ABR: variants seen among roughly 807,000 people sequenced by gnomAD.
The protein encoded by ABR is active breakpoint cluster region-related protein.
Under a neutral mutation model 107.2 loss-of-function variants are expected in ABR, and 35 were observed. That is an observed-to-expected ratio of 0.33 (90% CI 0.25 to 0.43). The LOEUF (loss-of-function observed/expected upper bound fraction) is 0.43. Ranked by LOEUF, ABR falls within the 20% of genes least tolerant of loss-of-function variation. ABR has a pLI of 1.00. For synonymous variants in ABR, 498 were observed against 462.0 expected (o/e 1.08, Z -1.00); for missense variants, 815 against 1,115.2 (o/e 0.73, Z 3.83).
chr17:1,108,244 G>A (rs1484342762), intron 2 of ABR, among the ~76,000 whole-genome samples: 1 of 152,268 alleles, frequency 6.6e-6, no homozygotes, highest in Non-Finnish European at 1.5e-5. Flanking sequence ...CACAGAGCCG[G>A]CGTGGTTCCG....
chr17:1,019,309 A>G (rs968105975), intron 16 of ABR, among the ~76,000 whole-genome samples: 6 of 152,140 alleles, frequency 3.9e-5, no homozygotes, highest in African/African-American at 7.2e-5. Context: ...TTCCTGCTCC[A>G]CTAAGATCTA....
At chr17:1,160,650 G>A (rs567039904) in intron 1 of ABR, among the ~76,000 whole-genome samples, 1 of 152,328 alleles carries the variant, frequency 6.6e-6, no homozygotes, top group South Asian at 2.1e-4. Context: ...GAGTTCACAC[G>A]ACAGCCAGAC....
rs1187562466 is a variant in ABR at position 1,179,441 on chromosome 17, C to A, written c.61+226G>T. Among the ~76,000 whole-genome samples the A allele has an allele frequency of 2.6e-5, 4 of 151,958 alleles. No homozygotes were observed. Among genetic ancestry groups the A allele is most frequent in the African/African-American group, 9.7e-5 (4 of 41,386 alleles). On this transcript the variant is annotated intron_variant, in intron 1 of 22. Coordinates refer to ENST00000302538, the MANE Select transcript of ABR (RefSeq NM_021962.5). The surrounding 1 kb of genome is among the most constrained non-coding windows in gnomAD (Gnocchi z 4.9). ...GAATCCTCTCTGGGGACCCCCCGCC[C>A]GCGCCCCCCAGACCAGCCCGGCTCC...
Position 1,004,993 on chromosome 17 carries a change from A to G in ABR, c.*1087T>C. The G allele has an allele frequency of 2.5e-6, 1 of 399,022 alleles. No homozygotes were observed. The highest frequency in any genetic ancestry group is 3.6e-5 in the East Asian group (1 of 28,078). The allele number at this position is 399,022 out of a possible 1,614,324, so 24.7% of individuals were successfully genotyped here. A position where few individuals can be genotyped will look rare whatever the true frequency, so the allele number is the denominator to read the frequency against. On this transcript the variant is annotated 3_prime_UTR_variant, in exon 23 of 23. Coordinates refer to ENST00000302538, the MANE Select transcript of ABR (RefSeq NM_021962.5). ...ACCTGCCTGGACACCTGCTTCGGCC[A>G]CATCAGTCACCCTCCAGGAAGCCTG...
intron 2 of ABR, among the ~76,000 whole-genome samples, chr17:1,108,703 G>C (rs1392445921): frequency 6.6e-6 from 1 of 152,162 alleles, no homozygotes; most frequent in Non-Finnish European, 1.5e-5. Context: ...CACAGCCGCC[G>C]GAGCCCTGAG....
At position 1,100,702 on chromosome 17, in the gene ABR, G is replaced by A. The variant is rs752040368; in HGVS notation, c.280C>T (p.Leu94=). Residue 94 remains leucine (L), a synonymous_variant, in exon 3 of 23, where the codon CTG becomes TTG. Transcript: ENST00000302538. ...CTGGCCAAGAACCCCGAGAGAACCA[G>A]CTTCCTCATCTCCAGGCCTTTCCCT... The part of the protein sequence containing the change: ...EAGKGLEMRK[L]VLSGFLASEE... 19 of 1,614,162 alleles carry A rather than the reference G, an allele frequency of 1.2e-5. No homozygotes were observed. In the South Asian group the frequency reaches 2.0e-4, roughly 17 times the overall value.
intron 2 of ABR, among the ~76,000 whole-genome samples, chr17:1,101,963 G>T (rs2037921330): frequency 2.0e-5 from 3 of 152,032 alleles, no homozygotes; most frequent in Non-Finnish European, 2.9e-5. Context: ...TCGATCTCCT[G>T]ACCTCGTGAT....
chr17:1,137,200 C>T (rs535707581), intron 1 of ABR, among the ~76,000 whole-genome samples: 8 of 152,178 alleles, frequency 5.3e-5, no homozygotes, highest in East Asian at 1.9e-4. Context: ...CCCGCCACCA[C>T]GCCCGGCTAA....
At chr17:1,183,272 C>T (rs889168761), upstream of ABR, among the ~76,000 whole-genome samples, 10 of 152,236 alleles carry the variant, frequency 6.6e-5, no homozygotes, top group African/African-American at 2.4e-4. Flanking sequence ...AAGCATTCCC[C>T]AGACAGTCCC....
At chr17:1,181,638 A>G (rs545214269), upstream of ABR, among the ~76,000 whole-genome samples, 1 of 152,326 alleles carries the variant, frequency 6.6e-6, no homozygotes, top group African/African-American at 2.4e-5. Context: ...GAGCTTCGGC[A>G]TGGGAAGGGA....
At position 1,214,788 on chromosome 17, in the gene ABR, C is replaced by T. The variant is rs570596588; in HGVS notation, c.838+14005G>A. 2.1e-4 allele frequency among the ~76,000 whole-genome samples: 28 copies of T among 132,600 alleles called. No homozygotes were observed. In the South Asian group the frequency reaches 7.4e-3, roughly 35 times the overall value. 87.0% of individuals were successfully genotyped at this position (132,600 alleles called of 152,430 possible). Reference sequence around the variant, plus strand: ...TGCACTCCAGCCTAGGCAACAAGAGCGAAACTCCACCTCAAAGAAAAAAAT... The same window carrying T: ...TGCACTCCAGCCTAGGCAACAAGAGTGAAACTCCACCTCAAAGAAAAAAAT... On this transcript the variant is annotated intron_variant, in intron 1 of 22. Transcript: ENST00000574139.
intron 1 of ABR, among the ~76,000 whole-genome samples, chr17:1,216,620 T>G (rs746113056): frequency 8.5e-5 from 13 of 152,214 alleles, no homozygotes; most frequent in Non-Finnish European, 1.5e-4. Context: ...CAATTTTGTT[T>G]TAACCCTCTG....
intron 1 of ABR, among the ~76,000 whole-genome samples, chr17:1,137,003 T>TC (rs1299946631): frequency 7.2e-4 from 6 of 8,344 alleles, no homozygotes; most frequent in African/African-American, 8.2e-4. Flanking sequence ...CACTAAATCA[T>TC]TTCTTTTTTC....
chr17:1,140,724 A>C (rs1162791759), intron 1 of ABR, among the ~76,000 whole-genome samples: 1 of 151,988 alleles, frequency 6.6e-6, no homozygotes. Context: ...CTGGGATCAC[A>C]GGCACCCGCC....
At chr17:1,225,156 A>AAG (rs1288408502) in intron 1 of ABR, among the ~76,000 whole-genome samples, 2 of 144,016 alleles carry the variant, frequency 1.4e-5, no homozygotes, top group African/African-American at 5.6e-5. Flanking sequence ...CTCAAAAAAA[A>AAG]AAAAAAAGAA....
intron 2 of ABR, among the ~76,000 whole-genome samples, chr17:1,105,427 G>C (rs1018901976): frequency 6.7e-6 from 1 of 149,642 alleles, no homozygotes; most frequent in Admixed American, 6.7e-5. Context: ...GCAAAATATA[G>C]ATCGAGGTGC....
chr17:1,045,400 TTCCGTC>T (rs1394056319), intron 16 of ABR, among the ~76,000 whole-genome samples: 1 of 125,686 alleles, frequency 8.0e-6, no homozygotes, highest in Non-Finnish European at 1.8e-5. Flanking sequence ...CAGGACAATC[TTCCGTC>T]TTCTTACAGC....
At chr17:1,023,665 G>A (rs1030054707) in intron 16 of ABR, among the ~76,000 whole-genome samples, 18 of 152,216 alleles carry the variant, frequency 1.2e-4, no homozygotes, top group Non-Finnish European at 2.6e-4. Context: ...GAGGCCACGG[G>A]AAGGCCAAGG....
intron 8 of ABR, 56 bp downstream of exon 8, chr17:1,072,558 G>A (rs574668553): frequency 3.9e-6 from 6 of 1,531,084 alleles, no homozygotes; most frequent in East Asian, 2.4e-5. Flanking sequence ...AGAAGGGGAC[G>A]AGGGACCTGA....
Sources: allele counts gnomAD v4.1 joint callset (sites outside exome capture counted in the v4.1 genomes callset), GRCh38; gene constraint gnomAD v4.1.1; non-coding constraint Gnocchi (gnomAD v3.1); transcripts MANE v1.5; gene names NCBI Gene and HGNC (gene_info 2026-07-23, HGNC 2026-07-21).